The following HDAC6 variants were observed in gnomAD, a reference collection of about 807,000 sequenced individuals.
HDAC6 encodes histone deacetylase 6.
A neutral mutation model predicts 88.9 loss-of-function variants in HDAC6; 5 were observed. The observed-to-expected ratio is 0.06, with a 90% confidence interval of 0.03 to 0.12. HDAC6 has a LOEUF of 0.12. Ranked by LOEUF, HDAC6 falls within the 10% of genes least tolerant of loss-of-function variation. The probability of loss-of-function intolerance (pLI) is 1.00; values close to 1 mark genes in which losing one functional copy is unlikely to be tolerated. For synonymous variants in HDAC6, 378 were observed against 398.0 expected (o/e 0.95, Z 0.60); for missense variants, 706 against 1,014.4 (o/e 0.70, Z 4.13).
intron 20 of HDAC6, chrX:48,817,720 C>T: frequency 2.4e-6 from 1 of 414,447 alleles, no homozygotes; most frequent in Non-Finnish European, 4.2e-6. Flanking sequence ...TGGCCTATAG[C>T]AGCTGCCTCG....
chrX:48,814,626 G>T, intron 11 of HDAC6, 49 bp from the exon 12 acceptor site: 1 of 1,204,937 alleles, frequency 8.3e-7, no homozygotes, highest in African/African-American at 1.7e-5. Flanking sequence ...TCTGTCAGCG[G>T]CTCGGGACAG....
chrX:48,812,976 C>T (rs782814101), intron 10 of HDAC6, among the ~76,000 whole-genome samples: 1 of 111,129 alleles, frequency 9.0e-6, no homozygotes, highest in African/African-American at 3.3e-5. Context: ...GGCCCGATCT[C>T]GGCTCACTGC....
At position 48,807,939 on chromosome X, in the gene HDAC6, T is replaced by C. The variant is rs1318959702; in HGVS notation, c.633-94T>C. The C allele has an allele frequency of 2.0e-5, 12 of 592,056 alleles. No homozygotes were observed. The East Asian group carries it at 4.0e-4, about 20-fold the overall frequency. The allele number at this position is 592,056 out of a possible 1,213,427, so 48.8% of individuals were successfully genotyped here. A position where few individuals can be genotyped will look rare whatever the true frequency, so the allele number is the denominator to read the frequency against. ...TTTTTAGGCATCAGCATTAAAGGAA[T>C]TGGTGGTCCAGGATTAGAGAGCAGG... On this transcript the variant is annotated intron_variant, in intron 8 of 28. Coordinates refer to ENST00000334136, the MANE Select transcript of HDAC6 (RefSeq NM_006044.4).
At chrX:48,813,464 T>C (rs2062932731) in intron 10 of HDAC6, 1 of 112,008 alleles carries the variant, frequency 8.9e-6, no homozygotes. Flanking sequence ...CTCTTAAGTT[T>C]GTCTAGATTC....
intron 23 of HDAC6, among the ~76,000 whole-genome samples, chrX:48,821,197 ATTTTCT>A (rs1454334431): frequency 3.8e-5 from 4 of 104,548 alleles, no homozygotes; most frequent in Admixed American, 2.1e-4. Context: ...CTGTGCTCTT[ATTTTCT>A]TTTTCTTTTT....
At chrX:48,821,197 A>C (rs1167525949) in intron 23 of HDAC6, among the ~76,000 whole-genome samples, 1 of 104,495 alleles carries the variant, frequency 9.6e-6, no homozygotes, top group Admixed American at 1.0e-4. Flanking sequence ...CTGTGCTCTT[A>C]TTTTCTTTTT....
intron 4 of HDAC6, chrX:48,803,517 A>C (rs1418524792): frequency 7.1e-6 from 2 of 279,860 alleles, no homozygotes; most frequent in South Asian, 1.2e-4. Context: ...TGAGGTGTTT[A>C]ATGAAGACAG....
At position 48,815,049 on chromosome X, in the gene HDAC6, G is replaced by C; in HGVS notation, c.1147G>C (p.Glu383Gln). The C allele has an allele frequency of 8.5e-7, 1 of 1,182,648 alleles. No homozygotes were observed. Among genetic ancestry groups the C allele is most frequent in the Non-Finnish European group, 1.1e-6 (1 of 875,763 alleles). Residue 383 changes from glutamate to glutamine, a missense_variant and splice_region_variant, in exon 14 of 29, where the codon GAG (glutamate) becomes CAG (glutamine). By Grantham distance (29) the Glu-to-Gln change is conservative (BLOSUM62 2). Coordinates refer to ENST00000334136, the MANE Select transcript of HDAC6 (RefSeq NM_006044.4). Reference sequence around the variant, plus strand: ...AGGAGGCAAGCTGATCCTGTCTCTGGAGGTGAGTGACTCACCTTCGTCCCT... The same window carrying C: ...AGGAGGCAAGCTGATCCTGTCTCTGCAGGTGAGTGACTCACCTTCGTCCCT... The part of the protein sequence containing the change: ...LAGGKLILSL[E>Q]GGYNLRALAE...
rs782790098 is a variant in HDAC6, at chrX:48,802,705, G to T, written c.13G>T (p.Gly5Cys). The T allele has an allele frequency of 8.3e-7, 1 of 1,206,374 alleles. No homozygotes were observed. The highest frequency in any genetic ancestry group is 2.2e-5 in the Admixed American group (1 of 45,599). The change falls in exon 2 of 29, where the codon GGC becomes TGC. Residue 5 changes from glycine (G) to cysteine (C), a missense_variant. Gly to Cys is a radical substitution (Grantham distance 159, BLOSUM62 -3). Around this residue, in one of 9 missense-constraint regions of HDAC6, gnomAD observed 193 missense variants for 258.2 expected, o/e 0.75. Coordinates refer to ENST00000334136, the MANE Select transcript of HDAC6 (RefSeq NM_006044.4). ...AGCCTCCTCAACTATGACCTCAACC[G>T]GCCAGGATTCCACCACAACCAGGCA... is the stretch of plus-strand genomic sequence containing the variant. The part of the protein sequence containing the change: MTST[G>C]QDSTTTRQRR...
At chrX:48,805,414 G>A (rs781973799) in intron 4 of HDAC6, 24 bp from the exon 5 acceptor site, 7 of 1,151,128 alleles carry the variant, frequency 6.1e-6, no homozygotes, top group East Asian at 6.0e-5. Flanking sequence ...TCATGCATCT[G>A]TGACTGTGAC....
chrX:48,810,937 A>G (rs1321676817), intron 10 of HDAC6: 3 of 111,309 alleles, frequency 2.7e-5, no homozygotes, highest in African/African-American at 9.8e-5. Flanking sequence ...ATATCCTGTT[A>G]AACTCCAAAA....
At chrX:48,802,582 A>G in intron 1 of HDAC6, 81 bp from the exon 2 acceptor site, 1 of 1,151,794 alleles carries the variant, frequency 8.7e-7, no homozygotes, top group Non-Finnish European at 1.2e-6. Context: ...GAGGGGGCGG[A>G]GCCTGGAAAA....
intron 10 of HDAC6, among the ~76,000 whole-genome samples, chrX:48,812,853 C>T: frequency 9.0e-6 from 1 of 111,650 alleles, no homozygotes; most frequent in East Asian, 2.8e-4. Context: ...CTTTTAGAGT[C>T]AGCTTTCTTC....
intron 26 of HDAC6, 57 bp from the exon 27 acceptor site, chrX:48,823,865 A>C: frequency 1.7e-6 from 2 of 1,201,089 alleles, no homozygotes; most frequent in South Asian, 3.5e-5. Flanking sequence ...GTGATGAATA[A>C]ACATATAATG....
intron 22 of HDAC6, chrX:48,819,630 G>A (rs782138755): frequency 1.5e-3 from 296 of 200,924 alleles, no homozygotes; most frequent in African/African-American, 8.6e-3. Context: ...TGCCAGCTCC[G>A]CCTCCTGGGT....
Position 48,823,606 on chromosome X carries a change from C to A in HDAC6, c.3189+18C>A, listed in dbSNP as rs1557031177. 8.3e-7 allele frequency: 1 copy of A among 1,198,439 alleles called. No homozygotes were observed. On this transcript the variant is annotated intron_variant, in intron 25 of 28. Transcript: ENST00000334136. ...AATCTCAGGTAAGGCTCACCACACC[C>A]AGGTAGGGGCAAGAAGGGGCAAGAA...
intron 23 of HDAC6, among the ~76,000 whole-genome samples, chrX:48,822,148 G>T (rs1266398065): frequency 9.0e-6 from 1 of 111,679 alleles, no homozygotes; most frequent in Non-Finnish European, 1.9e-5. Flanking sequence ...TCAGGGCAGG[G>T]GCTTTTGTAT....
At chrX:48,818,001 G>A (rs1557028195) in intron 20 of HDAC6, 40 bp from the exon 21 acceptor site, 7 of 1,136,008 alleles carry the variant, frequency 6.2e-6, no homozygotes, top group Admixed American at 2.5e-5. Flanking sequence ...CTTCCAGGGC[G>A]TGAGTATCGT....
At chrX:48,817,972 A>C in intron 20 of HDAC6, 69 bp from the exon 21 acceptor site, 1 of 1,002,475 alleles carries the variant, frequency 1.0e-6, no homozygotes, top group Non-Finnish European at 1.4e-6. Flanking sequence ...TGCAGACCCC[A>C]GGGGTCTAGC....
Sources: allele counts gnomAD v4.1 joint callset (sites outside exome capture counted in the v4.1 genomes callset), GRCh38; gene constraint gnomAD v4.1.1; regional missense constraint gnomAD v4.1.1; transcripts MANE v1.5; gene names NCBI Gene and HGNC (gene_info 2026-07-23, HGNC 2026-07-21).